The following MANBA variants were observed in gnomAD, a reference collection of about 807,000 sequenced individuals.
MANBA encodes mannosidase beta.
MANBA carries 83 observed loss-of-function variants against 111.1 expected under a neutral mutation model. That is an observed-to-expected ratio of 0.75 (90% CI 0.63 to 0.90). The LOEUF (loss-of-function observed/expected upper bound fraction) is 0.90, where lower values mean the gene tolerates loss of function less well. Among genes scored for constraint, MANBA ranks in the 40% least tolerant of loss-of-function variants. The probability of loss-of-function intolerance (pLI) is 0.00; values close to 1 mark genes in which losing one functional copy is unlikely to be tolerated. For missense variants in MANBA, 1,036 were observed against 1,069.0 expected, an observed-to-expected ratio of 0.97 and a Z score of 0.43; for synonymous variants, 370 against 378.7, an observed-to-expected ratio of 0.98 and a Z score of 0.27.
chr4:102,721,470 C>T (rs1308017051), intron 4 of MANBA, among the ~76,000 whole-genome samples: 1 of 152,046 alleles, frequency 6.6e-6, no homozygotes, highest in African/African-American at 2.4e-5. Flanking sequence ...ATTTGTACAC[C>T]CATGTTCATA....
At chr4:102,687,169 C>A (rs1376441550) in intron 7 of MANBA, among the ~76,000 whole-genome samples, 2 of 152,036 alleles carry the variant, frequency 1.3e-5, no homozygotes, top group African/African-American at 4.8e-5. Context: ...TTCTTTTTTC[C>A]CACCCCCACA....
chr4:102,716,938 T>C (rs1722360683), intron 4 of MANBA, among the ~76,000 whole-genome samples: 1 of 152,198 alleles, frequency 6.6e-6, no homozygotes, highest in Non-Finnish European at 1.5e-5. Flanking sequence ...AAAGTTACTT[T>C]ATAGCATCCA....
intron 1 of MANBA, among the ~76,000 whole-genome samples, chr4:102,759,430 G>A (rs2110216668): frequency 6.6e-6 from 1 of 152,298 alleles, no homozygotes; most frequent in Non-Finnish European, 1.5e-5. Flanking sequence ...ACTGTGGTCA[G>A]CTGTGTTCTC....
chr4:102,648,932 GT>G lies in MANBA; in HGVS notation c.1869+1604del, dbSNP rs373865555. On this transcript the variant is annotated intron_variant, in intron 13 of 16. Transcript: ENST00000647097. ...TACTTTGCTCTCTATCATCTTGATT[GT>G]TTTTTTTTCTAATATGTACTTTTTT... 8.2e-3 allele frequency among the ~76,000 whole-genome samples: 1,239 copies of G among 150,460 alleles called. 15 individuals carry two copies. The highest frequency in any genetic ancestry group is 0.027 in the African/African-American group (1,099 of 41,024).
At chr4:102,733,277 G>A (rs1009076509) in intron 1 of MANBA, among the ~76,000 whole-genome samples, 1 of 151,722 alleles carries the variant, frequency 6.6e-6, no homozygotes, top group African/African-American at 2.4e-5. Flanking sequence ...GAAGGAGGTA[G>A]ATCCACAAAC....
At chr4:102,656,535 A>G (rs1272857915) in intron 12 of MANBA, among the ~76,000 whole-genome samples, 2 of 152,230 alleles carry the variant, frequency 1.3e-5, no homozygotes, top group East Asian at 3.8e-4. Context: ...TTAGAATGTT[A>G]AAGATAGAGC....
intron 11 of MANBA, chr4:102,658,982 AT>A (rs1452230075): frequency 6.6e-6 from 1 of 152,172 alleles, no homozygotes; most frequent in Admixed American, 6.5e-5. Flanking sequence ...AGATTCATTC[AT>A]TTAGCAAGTA....
intron 7 of MANBA, 104 bp downstream of exon 7, chr4:102,689,470 G>T (rs1462035848): frequency 5.6e-6 from 4 of 710,812 alleles, no homozygotes; most frequent in Non-Finnish European, 7.1e-6. Flanking sequence ...GATGGGTGGG[G>T]ACACAAGAGT....
chr4:102,687,967 T>C (rs1457757226), intron 7 of MANBA, among the ~76,000 whole-genome samples: 1 of 152,112 alleles, frequency 6.6e-6, no homozygotes, highest in Non-Finnish European at 1.5e-5. Context: ...CAGTTAAACA[T>C]CCTCCTTAAA....
At chr4:102,748,085 T>A (rs532818167) in intron 1 of MANBA, among the ~76,000 whole-genome samples, 18 of 152,220 alleles carry the variant, frequency 1.2e-4, no homozygotes, top group South Asian at 4.1e-4. Context: ...GCCTCTGAGA[T>A]GAAGCCAGGA....
intron 1 of MANBA, among the ~76,000 whole-genome samples, chr4:102,737,494 T>G (rs12501044): frequency 0.3 from 45,070 of 151,664 alleles, 7,295 homozygotes; most frequent in African/African-American, 0.42. Context: ...TTGTTTGTTT[T>G]TTTTTTGAAA....
rs148753435 is a variant in MANBA, at chr4:102,703,628, G to C, written c.673+10810C>G. On this transcript the variant is annotated intron_variant, in intron 5 of 16. Transcript: ENST00000647097. ...GAGATATTCTGCAGACCCTGCACTG[G>C]ATGGATCAGCTGACACCACCCAGAC... Among the ~76,000 whole-genome samples, 431 of 152,258 alleles carry C rather than the reference G, an allele frequency of 2.8e-3. 5 individuals are homozygous for C. Among genetic ancestry groups the C allele is most frequent in the Admixed American group, 0.019 (293 of 15,294 alleles).
At chr4:102,703,778 C>T (rs1446707283) in intron 5 of MANBA, among the ~76,000 whole-genome samples, 1 of 152,074 alleles carries the variant, frequency 6.6e-6, no homozygotes, top group African/African-American at 2.4e-5. Flanking sequence ...CTTTGCAAGC[C>T]CCTACCCACC....
In MANBA at chr4:102,714,500, T is replaced by C. The variant is rs749420521; in HGVS notation, c.611A>G (p.Asp204Gly). The C allele has an allele frequency of 6.2e-7, 1 of 1,604,142 alleles. No homozygotes were observed. The stretch of plus-strand genomic sequence containing the variant: ...AATATTATAGGCTTCAATTCTAACA[T>C]CTTTCCAGATTCCCTGGGTAGGAAA... ...PSFPTQGIWK[D>G]VRIEAYNICH... is the part of the protein sequence containing the mutation. Residue 204 changes from aspartate (D) to glycine (G), a missense_variant, in exon 5 of 17, where the codon GAT (aspartate) becomes GGT (glycine). By Grantham distance (94) the Asp-to-Gly change is moderately conservative (BLOSUM62 -1). Transcript: ENST00000647097.
At position 102,726,890 on chromosome 4, in the gene MANBA, C is replaced by T. The variant is rs78210851; in HGVS notation, c.178-207G>A. Among the ~76,000 whole-genome samples, 2,159 of 152,264 alleles carry T rather than the reference C, an allele frequency of 0.014. 47 individuals carry two copies. Among genetic ancestry groups the T allele is most frequent in the African/African-American group, 0.045 (1,867 of 41,538 alleles). On this transcript the variant is annotated intron_variant, in intron 1 of 16. Transcript: ENST00000647097. ...AACAAATTACCTGAAATGAAATAAT[C>T]CTCTGAGATATAAATAATACAGCTT...
intron 11 of MANBA, among the ~76,000 whole-genome samples, chr4:102,661,359 T>C (rs901267463): frequency 6.6e-6 from 1 of 152,188 alleles, no homozygotes; most frequent in Non-Finnish European, 1.5e-5. Context: ...ATTTTTCCCA[T>C]GTTTCCCTTT....
Position 102,750,804 on chromosome 4 carries a change from TTGGGAGGCTGAGG to T in MANBA, c.177+9901_177+9913del, listed in dbSNP as rs1435712425. Among the ~76,000 whole-genome samples the T allele has an allele frequency of 1.5e-4, 23 of 152,170 alleles. No homozygotes were observed. In the South Asian group the frequency reaches 4.4e-3, roughly 29 times the overall value. ...GGTGTGTACCTGTAGTCCTAGCTAC[TTGGGAGGCTGAGG>T]TGGGAGGATAGCTTGAGTCCAGGAG... On this transcript the variant is annotated intron_variant, in intron 1 of 16. Coordinates refer to ENST00000647097, the MANE Select transcript of MANBA (RefSeq NM_005908.4).
intron 7 of MANBA, among the ~76,000 whole-genome samples, chr4:102,679,290 C>G (rs1015497012): frequency 1.3e-5 from 2 of 151,962 alleles, no homozygotes; most frequent in African/African-American, 4.8e-5. Context: ...TCTAGTATAT[C>G]TGACACCAGA....
chr4:102,748,269 G>A (rs1208278498), intron 1 of MANBA, among the ~76,000 whole-genome samples: 1 of 152,152 alleles, frequency 6.6e-6, no homozygotes, highest in Non-Finnish European at 1.5e-5. Flanking sequence ...ATGCCTCACA[G>A]GATCAGTACA....
Sources: allele counts gnomAD v4.1 joint callset (sites outside exome capture counted in the v4.1 genomes callset), GRCh38; gene constraint gnomAD v4.1.1; transcripts MANE v1.5; gene names NCBI Gene and HGNC (gene_info 2026-07-23, HGNC 2026-07-21).